Variants in NUP160 observed in about 807,000 individuals in gnomAD.
The protein encoded by NUP160 is nuclear pore complex protein Nup160.
Under a neutral mutation model 196.9 loss-of-function variants are expected in NUP160, and 94 were observed. The ratio of observed to expected loss-of-function variants is 0.48; its 90% CI spans 0.40 to 0.57. The LOEUF (loss-of-function observed/expected upper bound fraction) is 0.57, where lower values mean the gene tolerates loss of function less well. NUP160 is among the 20% of genes least tolerant of loss of function. The pLI is 0.00. For missense variants in NUP160, 1,638 were observed against 1,748.3 expected (o/e 0.94, Z 1.13); for synonymous variants, 605 against 619.7 (o/e 0.98, Z 0.35).
intron 10 of NUP160, 56 bp downstream of exon 10, chr11:47,819,312 CAAAAAA>C: frequency 9.6e-7 from 1 of 1,045,710 alleles, no homozygotes; most frequent in Non-Finnish European, 1.4e-6. Flanking sequence ...GACTCTGTCT[CAAAAAA>C]AAAAAAAAGA....
intron 7 of NUP160, among the ~76,000 whole-genome samples, chr11:47,832,752 T>C (rs1852102526): frequency 1.3e-5 from 2 of 152,266 alleles, no homozygotes; most frequent in African/African-American, 4.8e-5. Context: ...GCTCTATGTG[T>C]ATTAAACTCT....
At chr11:47,798,226 C>T (rs1165271413) in exon 25 of NUP160, 1 of 1,612,214 alleles carries the variant, frequency 6.2e-7, no homozygotes, top group East Asian at 2.2e-5. Flanking sequence ...TGACCCAAAT[C>T]CAAATGATGT....
exon 6 of NUP160, chr11:47,836,970 T>C (rs1380453647): frequency 1.2e-6 from 2 of 1,613,642 alleles, no homozygotes; most frequent in Non-Finnish European, 1.7e-6. Context: ...ACAGCAAGAC[T>C]GAGGGGACGA....
chr11:47,805,165 T>C (rs1005924965), intron 20 of NUP160, among the ~76,000 whole-genome samples: 38 of 152,032 alleles, frequency 2.5e-4, no homozygotes, highest in Non-Finnish European at 1.0e-4. Flanking sequence ...AGTCTCACTC[T>C]GTCGCCAGGG....
chr11:47,817,318 A>G (rs2135380451), intron 11 of NUP160, among the ~76,000 whole-genome samples: 1 of 150,428 alleles, frequency 6.6e-6, no homozygotes, highest in Admixed American at 6.6e-5. Context: ...GGCTTCTCTT[A>G]TACAATGAAT....
Position 47,815,902 on chromosome 11 carries a change from T to A in NUP160, c.1515+44A>T, listed in dbSNP as rs376466356. 1.7e-5 allele frequency: 25 copies of A among 1,467,562 alleles called. No individual in the cohort carries two copies. In the African/African-American group the frequency reaches 3.1e-4, roughly 18 times the overall value. 90.9% of individuals were successfully genotyped at this position (1,467,562 alleles called of 1,614,324 possible). ...TCGGTCAGTACCAATCTGCCCTATA[T>A]CAAGATGGAAGGAATTCTTATTCTT... On this transcript the variant is annotated intron_variant, in intron 12 of 35. Coordinates refer to ENST00000378460, the Ensembl canonical transcript of NUP160.
intron 32 of NUP160, among the ~76,000 whole-genome samples, chr11:47,785,809 T>C (rs1050385860): frequency 1.7e-4 from 26 of 152,174 alleles, no homozygotes; most frequent in African/African-American, 6.3e-4. Context: ...AATTTAGGGG[T>C]TGAAAACTAA....
At chr11:47,813,386 G>C in exon 14 of NUP160, 1 of 1,612,098 alleles carries the variant, frequency 6.2e-7, no homozygotes. Context: ...GATCCACTAA[G>C]GATGAGGGAA....
At chr11:47,805,798 A>G (rs2097677199) in intron 20 of NUP160, among the ~76,000 whole-genome samples, 1 of 151,578 alleles carries the variant, frequency 6.6e-6, no homozygotes, top group Admixed American at 6.6e-5. Context: ...CAGAATAAGA[A>G]CCTTAGACTA....
intron 30 of NUP160, 90 bp from the exon 31 acceptor site, chr11:47,788,395 A>AATTT: frequency 6.4e-7 from 1 of 1,570,680 alleles, no homozygotes; most frequent in East Asian, 2.3e-5. Flanking sequence ...ATCTCTGAGT[A>AATTT]ATAACCCAGG....
chr11:47,845,905 G>C (rs182895408), intron 2 of NUP160, among the ~76,000 whole-genome samples: 4 of 152,118 alleles, frequency 2.6e-5, no homozygotes, highest in African/African-American at 9.7e-5. Context: ...GGCCGAGAAC[G>C]GGGCACTGCT....
intron 32 of NUP160, among the ~76,000 whole-genome samples, chr11:47,785,732 A>C (rs2097664142): frequency 6.6e-6 from 1 of 152,216 alleles, no homozygotes; most frequent in African/African-American, 2.4e-5. Flanking sequence ...ATCATGCAGA[A>C]GTTCTAACTT....
At chr11:47,792,803 G>T (rs768342676) in exon 28 of NUP160, 6 of 1,612,658 alleles carry the variant, frequency 3.7e-6, no homozygotes, top group Non-Finnish European at 5.1e-6. Context: ...CCAGACACTG[G>T]CTGCACAATC....
At chr11:47,832,781 CT>C (rs1852102984) in intron 7 of NUP160, among the ~76,000 whole-genome samples, 1 of 152,206 alleles carries the variant, frequency 6.6e-6, no homozygotes, top group African/African-American at 2.4e-5. Flanking sequence ...CAATTCCTGT[CT>C]TGATAAATCA....
chr11:47,796,356 G>A, intron 27 of NUP160: 1 of 613,880 alleles, frequency 1.6e-6, no homozygotes, highest in Non-Finnish European at 2.9e-6. Flanking sequence ...CTGACAAATG[G>A]AATTTATCCT....
chr11:47,827,221 A>G, intron 7 of NUP160: 1 of 447,162 alleles, frequency 2.2e-6, no homozygotes. Flanking sequence ...AAAATTAGCC[A>G]TGTGTGGTCG....
intron 28 of NUP160, 72 bp from the exon 29 acceptor site, chr11:47,792,062 T>TC: frequency 9.6e-7 from 1 of 1,042,050 alleles, no homozygotes; most frequent in South Asian, 1.5e-5. Flanking sequence ...CGGTGATTCA[T>TC]AGCTTTTATG....
chr11:47,834,606 G>A (rs1206012701), intron 7 of NUP160, among the ~76,000 whole-genome samples: 1 of 152,018 alleles, frequency 6.6e-6, no homozygotes, highest in Non-Finnish European at 1.5e-5. Flanking sequence ...TGGCCAGAAG[G>A]TAAGGGTCGG....
At chr11:47,832,838 G>A (rs1852103782) in intron 7 of NUP160, among the ~76,000 whole-genome samples, 1 of 152,208 alleles carries the variant, frequency 6.6e-6, no homozygotes, top group South Asian at 2.1e-4. Flanking sequence ...GACAACACAT[G>A]CTACATGGAT....
Sources: allele counts gnomAD v4.1 joint callset (sites outside exome capture counted in the v4.1 genomes callset), GRCh38; gene constraint gnomAD v4.1.1; transcripts MANE v1.5; gene names NCBI Gene and HGNC (gene_info 2026-07-23, HGNC 2026-07-21).